The following SIPA1L3 variants were observed in gnomAD, a reference collection of about 807,000 sequenced individuals.
SIPA1L3 encodes signal-induced proliferation-associated 1-like protein 3.
SIPA1L3 carries 59 observed loss-of-function variants against 150.1 expected under a neutral mutation model. The ratio of observed to expected loss-of-function variants is 0.39; its 90% CI spans 0.32 to 0.49. SIPA1L3 has a LOEUF of 0.49. Ranked by LOEUF, SIPA1L3 falls within the 20% of genes least tolerant of loss-of-function variation. The pLI, the probability that SIPA1L3 is intolerant of heterozygous loss-of-function variation, is 0.86. For missense variants in SIPA1L3, 2,211 were observed against 2,489.5 expected, an observed-to-expected ratio of 0.89 and a Z score of 2.38; for synonymous variants, 1,070 against 1,077.6, an observed-to-expected ratio of 0.99 and a Z score of 0.14.
rs1017222722 is a variant in SIPA1L3, at chr19:37,913,376, C to T, written c.-379+6018C>T. On this transcript the variant is annotated intron_variant, in intron 1 of 21. Coordinates refer to ENST00000222345, the MANE Select transcript of SIPA1L3 (RefSeq NM_015073.3). Reference sequence around the variant, plus strand: ...TCCTAGGGTTTACATTCTAGCCATTCTAGCCCGGGAAGACACACAATAAAC... The same window carrying T: ...TCCTAGGGTTTACATTCTAGCCATTTTAGCCCGGGAAGACACACAATAAAC... Among the ~76,000 whole-genome samples, 4 of 152,082 alleles carry T rather than the reference C, an allele frequency of 2.6e-5. No homozygotes were observed. In the South Asian group the frequency reaches 8.3e-4, roughly 32 times the overall value.
intron 1 of SIPA1L3, among the ~76,000 whole-genome samples, chr19:38,011,667 G>C (rs1968101826): frequency 6.6e-6 from 1 of 152,206 alleles, no homozygotes; most frequent in Admixed American, 6.5e-5. Flanking sequence ...AGTGTGGCGG[G>C]AGCATTTGGG....
In SIPA1L3 at chr19:38,031,067, T is replaced by A. The variant is rs544531910; in HGVS notation, c.-311+1911T>A. 1.5e-3 allele frequency among the ~76,000 whole-genome samples: 230 copies of A among 152,306 alleles called. 2 individuals carry two copies. Among genetic ancestry groups the A allele is most frequent in the African/African-American group, 5.1e-3 (210 of 41,568 alleles). ...TGCCTGGGTACCTGAAGCTTGTGTG[T>A]GGGACAGTTGCTAGGGGCCAGATTT... is the stretch of plus-strand genomic sequence containing the variant. On this transcript the variant is annotated intron_variant, in intron 2 of 21. Coordinates refer to ENST00000222345, the MANE Select transcript of SIPA1L3 (RefSeq NM_015073.3).
At chr19:37,964,648 C>T (rs2046886970) in intron 1 of SIPA1L3, 1 of 152,248 alleles carries the variant, frequency 6.6e-6, no homozygotes, top group Non-Finnish European at 1.5e-5. Context: ...GCATGTGCCA[C>T]CACCACGCCT....
chr19:38,130,786 C>G lies in SIPA1L3; in HGVS notation c.3143+14C>G. On this transcript the variant is annotated intron_variant, in intron 10 of 21. Transcript: ENST00000222345. ...CACTCCCCGGAGGTAAGGGCCTCCA[C>G]CTTTCAGCCAGGTGGTGGGTGGCAG... 6.3e-7 allele frequency: 1 copy of G among 1,581,684 alleles called. No individual in the cohort carries two copies. Among genetic ancestry groups the G allele is most frequent in the Non-Finnish European group, 8.6e-7 (1 of 1,158,688 alleles).
In SIPA1L3 at chr19:38,153,072, A is replaced by C. The variant is rs1332705265; in HGVS notation, c.3661+105A>C. On this transcript the variant is annotated intron_variant, in intron 13 of 21. Coordinates refer to ENST00000222345, the MANE Select transcript of SIPA1L3 (RefSeq NM_015073.3). ...CTCCCCCTCTTGTGAGTGACGGATA[A>C]AACACAAAAGAAAGCTGTAAGCGCC... 4.3e-6 allele frequency: 6 copies of C among 1,409,086 alleles called. No homozygotes were observed. In the East Asian group the frequency reaches 1.5e-4, roughly 35 times the overall value. 87.3% of individuals were successfully genotyped at this position (1,409,086 alleles called of 1,614,324 possible).
At chr19:38,181,756 G>A (rs62121458) in intron 15 of SIPA1L3, among the ~76,000 whole-genome samples, 4,930 of 150,212 alleles carry the variant, frequency 0.033, 119 homozygotes, top group Middle Eastern at 0.078. Context: ...TGAAGCAGGA[G>A]AATCGCTTGA....
At chr19:38,085,077 C>A (rs976258048) in intron 3 of SIPA1L3, among the ~76,000 whole-genome samples, 4 of 152,172 alleles carry the variant, frequency 2.6e-5, no homozygotes, top group African/African-American at 9.7e-5. Context: ...TGTTCCATAG[C>A]TGATCCACGT....
At chr19:37,946,350 C>T (rs947540400) in intron 1 of SIPA1L3, among the ~76,000 whole-genome samples, 12 of 152,054 alleles carry the variant, frequency 7.9e-5, no homozygotes, top group African/African-American at 2.7e-4. Flanking sequence ...CCAGGCTGGT[C>T]TTGAACTCCT....
At chr19:37,973,562 G>GGT in intron 1 of SIPA1L3, among the ~76,000 whole-genome samples, 1 of 142,314 alleles carries the variant, frequency 7.0e-6, no homozygotes, top group East Asian at 2.2e-4. Context: ...AAAGCGGGAG[G>GGT]GGGGCGCATC....
At chr19:38,158,430 T>C (rs10422665) in intron 13 of SIPA1L3, among the ~76,000 whole-genome samples, 28,540 of 151,924 alleles carry the variant, frequency 0.19, 3,103 homozygotes, top group African/African-American at 0.3. Context: ...TGGTGAGAAC[T>C]GAGATCAGGG....
In SIPA1L3 at chr19:38,141,446, G is replaced by C. The variant is rs1428203530; in HGVS notation, c.3395+11G>C. 1 of 1,602,370 alleles carries C rather than the reference G, an allele frequency of 6.2e-7. No homozygotes were observed. The highest frequency in any genetic ancestry group is 1.3e-5 in the African/African-American group (1 of 74,852). ...ACTGCACAGCAAGAGGTAAGCACCTGCTGGGGGGACCAATACTTCCCAACC... is the reference window on the plus strand; with the variant it reads ...ACTGCACAGCAAGAGGTAAGCACCTCCTGGGGGGACCAATACTTCCCAACC... On this transcript the variant is annotated intron_variant, in intron 11 of 21. Coordinates refer to ENST00000222345, the MANE Select transcript of SIPA1L3 (RefSeq NM_015073.3).
intron 9 of SIPA1L3, among the ~76,000 whole-genome samples, chr19:38,125,038 A>AGACCGTGGGGAGAGGGAGAGGGAGAGGGT (rs1568563650): frequency 6.7e-6 from 1 of 148,326 alleles, no homozygotes; most frequent in African/African-American, 2.5e-5. Context: ...AGGGAGAGGG[A>AGACCGTGGGGAGAGGGAGAGGGAGAGGGT]GCTGTTTTGT....
At chr19:38,009,372 G>A (rs941201495) in intron 1 of SIPA1L3, among the ~76,000 whole-genome samples, 1 of 152,160 alleles carries the variant, frequency 6.6e-6, no homozygotes, top group African/African-American at 2.4e-5. Flanking sequence ...GAAATTTCCA[G>A]TGTGGAGGCA....
intron 1 of SIPA1L3, among the ~76,000 whole-genome samples, chr19:37,937,766 A>AAAAAAAAAAAAC (rs1599815144): frequency 7.6e-6 from 1 of 131,822 alleles, no homozygotes; most frequent in Non-Finnish European, 1.6e-5. Flanking sequence ...AAAAAAAAAG[A>AAAAAAAAAAAAC]CCAGGCACGG....
At chr19:37,931,981 C>T (rs2046558102) in intron 1 of SIPA1L3, among the ~76,000 whole-genome samples, 1 of 152,210 alleles carries the variant, frequency 6.6e-6, no homozygotes, top group Non-Finnish European at 1.5e-5. Flanking sequence ...AGAACAGCGC[C>T]TTGTGCAGTG....
At chr19:37,966,660 C>T (rs1406006305) in intron 1 of SIPA1L3, among the ~76,000 whole-genome samples, 2 of 152,164 alleles carry the variant, frequency 1.3e-5, no homozygotes, top group East Asian at 3.8e-4. Flanking sequence ...ACCCTCCTCC[C>T]CAGTGTTTTC....
chr19:37,943,645 T>A (rs868761365), intron 1 of SIPA1L3, among the ~76,000 whole-genome samples: 1 of 152,188 alleles, frequency 6.6e-6, no homozygotes, highest in Non-Finnish European at 1.5e-5. Context: ...CTTAACTGAT[T>A]GGGCTGAAAG....
At chr19:38,144,539 C>T (rs944793268) in intron 12 of SIPA1L3, among the ~76,000 whole-genome samples, 13 of 152,218 alleles carry the variant, frequency 8.5e-5, no homozygotes, top group African/African-American at 2.9e-4. Flanking sequence ...CTGGTAGGTT[C>T]GGGGTGCTGC....
intron 15 of SIPA1L3, among the ~76,000 whole-genome samples, chr19:38,174,291 A>G (rs1056494570): frequency 1.3e-5 from 2 of 152,108 alleles, no homozygotes; most frequent in Non-Finnish European, 2.9e-5. Flanking sequence ...CGGCTCCTAC[A>G]CTGGAGCACA....
Sources: allele counts gnomAD v4.1 joint callset (sites outside exome capture counted in the v4.1 genomes callset), GRCh38; gene constraint gnomAD v4.1.1; transcripts MANE v1.5; gene names NCBI Gene and HGNC (gene_info 2026-07-23, HGNC 2026-07-21).